Variants in CCHCR1 observed in about 807,000 individuals in gnomAD.
CCHCR1 encodes coiled-coil alpha-helical rod protein 1.
Under a neutral mutation model 114.6 loss-of-function variants are expected in CCHCR1, and 91 were observed. The observed-to-expected ratio is 0.79, with a 90% CI of 0.67 to 0.94. CCHCR1 has a LOEUF of 0.94. CCHCR1 is among the 40% of genes least tolerant of loss of function. The pLI is 0.00. For synonymous variants in CCHCR1, 379 were observed against 428.5 expected, an observed-to-expected ratio of 0.88 and a Z score of 1.43; for missense variants, 899 against 1,079.9, an observed-to-expected ratio of 0.83 and a Z score of 2.35.
In CCHCR1 at chr6:31,154,923, G is replaced by T; in HGVS notation, c.498-124C>A. 3 of 854,026 alleles carry T rather than the reference G, an allele frequency of 3.5e-6. No homozygotes were observed. Among genetic ancestry groups the T allele is most frequent in the Non-Finnish European group, 5.3e-6 (3 of 569,524 alleles). 52.9% of individuals were successfully genotyped at this position (854,026 alleles called of 1,614,324 possible). ...GCTTCCGTGTGGGGAGGTGAAGGGG[G>T]TGCTGAAGCTGGGGTATGGGGATGT... On this transcript the variant is annotated intron_variant, in intron 3 of 17. Transcript: ENST00000396268. This position sits in a 1 kb window ranked among gnomAD's most constrained non-coding sequence, Gnocchi z 4.1.
rs1338585667 is a variant in CCHCR1, at chr6:31,143,750, T to C, written c.2168-337A>G. 6.6e-6 allele frequency among the ~76,000 whole-genome samples: 1 copy of C among 152,196 alleles called. No homozygotes were observed. The highest frequency in any genetic ancestry group is 2.4e-5 in the African/African-American group (1 of 41,438). ...AGGAGAATTTACTGGCTTTGGGAGA[T>C]GCGGCTGAACAACTTATGTTTACAA... On this transcript the variant is annotated intron_variant, in intron 15 of 17. Coordinates refer to ENST00000396268, the MANE Select transcript of CCHCR1 (RefSeq NM_001105564.2). This position sits in a 1 kb window ranked among gnomAD's most constrained non-coding sequence, Gnocchi z 5.3.
In CCHCR1 at chr6:31,150,810, C is replaced by A. The variant is rs1775111552; in HGVS notation, c.1016G>T (p.Arg339Ile). ...AGGCACTTGTTCCCCAACATATTTT[C>A]TTAGATTCTCAACCAGGGTCACCTG... ...EAQVTLVENL[R>I]KYVGEQVPSE... Residue 339 changes from arginine (R) to isoleucine (I), a missense_variant, in exon 6 of 18, where the codon AGA becomes ATA. Coordinates refer to ENST00000396268, the MANE Select transcript of CCHCR1 (RefSeq NM_001105564.2). This position sits in a 1 kb window ranked among gnomAD's most constrained non-coding sequence, Gnocchi z 5.3. The A allele has an allele frequency of 6.2e-7, 1 of 1,612,980 alleles. No homozygotes were observed. Among genetic ancestry groups the A allele is most frequent in the Non-Finnish European group, 8.5e-7 (1 of 1,180,030 alleles).
At chr6:31,155,172 C>T (rs536202730) in intron 3 of CCHCR1, among the ~76,000 whole-genome samples, 2 of 152,126 alleles carry the variant, frequency 1.3e-5, no homozygotes, top group East Asian at 3.9e-4. Context: ...TTTTAGGCCA[C>T]ACATTTTAAG....
chr6:31,156,602 G>A, intron 3 of CCHCR1, 129 bp downstream of exon 3: 2 of 713,192 alleles, frequency 2.8e-6, no homozygotes, highest in South Asian at 3.5e-5. Flanking sequence ...ATGCACTGTA[G>A]GAACTAATTG....
At position 31,150,243 on chromosome 6, in the gene CCHCR1, G is replaced by A. The variant is rs1280323807; in HGVS notation, c.1213-28C>T. 6 of 1,611,570 alleles carry A rather than the reference G, an allele frequency of 3.7e-6. No individual in the cohort carries two copies. Among genetic ancestry groups the A allele is most frequent in the Non-Finnish European group, 4.2e-6 (5 of 1,178,442 alleles). ...GAGGGAGAAGGAGTGGGAGAAAAGT[G>A]TGGGCTCCTGGGGGAGGAGAGGAAG... On this transcript the variant is annotated intron_variant, in intron 7 of 17. Transcript: ENST00000396268. The surrounding 1 kb of genome is among the most constrained non-coding windows in gnomAD (Gnocchi z 5.3).
chr6:31,143,308 A>G lies in CCHCR1; in HGVS notation c.2273T>C (p.Leu758Pro), dbSNP rs1561789704. 1 of 1,612,884 alleles carries G rather than the reference A, an allele frequency of 6.2e-7. No homozygotes were observed. Among genetic ancestry groups the G allele is most frequent in the Non-Finnish European group, 8.5e-7 (1 of 1,180,022 alleles). Residue 758 changes from leucine (L) to proline (P), a missense_variant, in exon 16 of 18, where the codon CTG becomes CCG. By Grantham distance (98) the Leu-to-Pro change is moderately conservative. Coordinates refer to ENST00000396268, the MANE Select transcript of CCHCR1 (RefSeq NM_001105564.2). This position sits in a 1 kb window ranked among gnomAD's most constrained non-coding sequence, Gnocchi z 5.3. ...CTCTAGCTCCTGCAAGCGCCGGGCCAGTCGCTGCCCCTCCTCCTTCCGGGC... is the reference window on the plus strand; with the variant it reads ...CTCTAGCTCCTGCAAGCGCCGGGCCGGTCGCTGCCCCTCCTCCTTCCGGGC... The part of the protein sequence containing the change: ...EEARKEEGQR[L>P]ARRLQELERD...
In CCHCR1 at chr6:31,145,076, A is replaced by G. The variant is rs1328089829; in HGVS notation, c.1877-3T>C. On this transcript the variant is annotated splice_polypyrimidine_tract_variant and splice_region_variant and intron_variant, in intron 13 of 17. Transcript: ENST00000396268. Reference sequence around the variant, plus strand: ...CAGCTGCTGCCGCTCTGCCTCCCCTAAAAGGAGGGGGTGCTGGGTCAGGCC... The same window carrying G: ...CAGCTGCTGCCGCTCTGCCTCCCCTGAAAGGAGGGGGTGCTGGGTCAGGCC... 2 of 1,599,410 alleles carry G rather than the reference A, an allele frequency of 1.3e-6. No individual in the cohort carries two copies. The highest frequency in any genetic ancestry group is 2.2e-5 in the East Asian group (1 of 44,730).
Position 31,148,502 on chromosome 6 carries a change from A to G in CCHCR1, c.1483T>C (p.Leu495=). 2 of 1,612,298 alleles carry G rather than the reference A, an allele frequency of 1.2e-6. No homozygotes were observed. Among genetic ancestry groups the G allele is most frequent in the South Asian group, 1.1e-5 (1 of 91,026 alleles). The change falls in exon 10 of 18, where the codon TTG becomes CTG. Residue 495 remains leucine, a synonymous_variant. Coordinates refer to ENST00000396268, the MANE Select transcript of CCHCR1 (RefSeq NM_001105564.2). ...GCCTCCTGAGCACGGCTCAGCTCCA[A>G]CTGCAGGCCCTGGGGAGGATGCAGC... ...VERMGAKGLQ[L]ELSRAQEARR...
chr6:31,157,346 C>A, intron 1 of CCHCR1, 39 bp downstream of exon 1: 1 of 1,518,216 alleles, frequency 6.6e-7, no homozygotes, highest in East Asian at 2.3e-5. Flanking sequence ...GGCTCTGAGG[C>A]TTTACTCATA....
rs1004318406 is a variant in CCHCR1, at chr6:31,154,888, G to A, written c.498-89C>T. ...AAACATAGCCAGGAGAAGGAAAAGA[G>A]GACCCCTCTGCTTCCGTGTGGGGAG... is the stretch of plus-strand genomic sequence containing the variant. On this transcript the variant is annotated intron_variant, in intron 3 of 17. Coordinates refer to ENST00000396268, the MANE Select transcript of CCHCR1 (RefSeq NM_001105564.2). The surrounding 1 kb of genome is among the most constrained non-coding windows in gnomAD (Gnocchi z 4.1). 23 of 1,252,498 alleles carry A rather than the reference G, an allele frequency of 1.8e-5. No individual in the cohort carries two copies. Among genetic ancestry groups the A allele is most frequent in the Non-Finnish European group, 2.4e-5 (22 of 924,164 alleles). 77.6% of individuals were successfully genotyped at this position (1,252,498 alleles called of 1,614,324 possible).
In CCHCR1 at chr6:31,151,092, C is replaced by T. The variant is rs1356712480; in HGVS notation, c.832G>A (p.Ala278Thr). The T allele has an allele frequency of 6.8e-6, 11 of 1,612,868 alleles. No homozygotes were observed. The highest frequency in any genetic ancestry group is 9.3e-6 in the Non-Finnish European group (11 of 1,180,000). Residue 278 changes from alanine (A) to threonine (T), a missense_variant, in exon 5 of 18, where the codon GCT becomes ACT. Transcript: ENST00000396268. This position sits in a 1 kb window ranked among gnomAD's most constrained non-coding sequence, Gnocchi z 4.1. The part of the protein sequence containing the change: ...LSSLTQAHEE[A>T]LSSLTSKAEG... ...GCCTTGCTGGTCAAACTGGAAAGAG[C>T]CTCCTCGTGAGCCTGTGTCAAAGAG...
chr6:31,150,276 C>A lies in CCHCR1; in HGVS notation c.1213-61G>T. The A allele has an allele frequency of 6.4e-7, 1 of 1,566,900 alleles. No individual in the cohort carries two copies. Among genetic ancestry groups the A allele is most frequent in the South Asian group, 1.1e-5 (1 of 88,732 alleles). ...CTGGGGGAGGAGAGGAAGGAGGTGGCATCTTTGTTTCTCCTCTGTCCTGCC... is the reference window on the plus strand; with the variant it reads ...CTGGGGGAGGAGAGGAAGGAGGTGGAATCTTTGTTTCTCCTCTGTCCTGCC... On this transcript the variant is annotated intron_variant, in intron 7 of 17. Coordinates refer to ENST00000396268, the MANE Select transcript of CCHCR1 (RefSeq NM_001105564.2). The surrounding 1 kb of genome is among the most constrained non-coding windows in gnomAD (Gnocchi z 5.3).
chr6:31,157,842 A>G, upstream of CCHCR1: 2 of 538,470 alleles, frequency 3.7e-6, no homozygotes, highest in Non-Finnish European at 6.4e-6. Flanking sequence ...TTTTACCCGA[A>G]TCTGGGATCC....
At position 31,150,501 on chromosome 6, in the gene CCHCR1, C is replaced by G. The variant is rs779256716; in HGVS notation, c.1166G>C (p.Ser389Thr). 13 of 1,612,606 alleles carry G rather than the reference C, an allele frequency of 8.1e-6. No homozygotes were observed. Among genetic ancestry groups the G allele is most frequent in the Non-Finnish European group, 1.1e-5 (13 of 1,179,964 alleles). ...TAELLQVRVQ[S>T]LTHILALQEE... ...CTGCAGGGCGAGGATGTGTGTGAGG[C>G]TCTGCACCCGCACCTGCAGCAGCTC... Residue 389 changes from serine to threonine, a missense_variant, in exon 7 of 18, where the codon AGC (serine) becomes ACC (threonine). Transcript: ENST00000396268. This position sits in a 1 kb window ranked among gnomAD's most constrained non-coding sequence, Gnocchi z 5.3.
Position 31,144,908 on chromosome 6 carries a change from TG to T in CCHCR1, c.2041del (p.Gln681SerfsTer32). 6.2e-7 allele frequency: 1 copy of T among 1,613,442 alleles called. No homozygotes were observed. On this transcript the variant is annotated frameshift_variant, in exon 14 of 18. Transcript: ENST00000396268. LOFTEE classifies it high-confidence loss of function. This position sits in a 1 kb window ranked among gnomAD's most constrained non-coding sequence, Gnocchi z 4.6. Reference protein sequence around the residue: ...EAASLRQELTQQQELYGQALQ... With the variant: ...EAASLRQELTXQQELYGQALQ... Reference sequence around the variant, plus strand: ...ACCTTGCCCGTAGAGTTCCTGCTGCTGGGTCAGCTCCTGCCGCAGACTGGCA... The same window carrying T: ...ACCTTGCCCGTAGAGTTCCTGCTGCTGGTCAGCTCCTGCCGCAGACTGGCA...
intron 1 of CCHCR1, 127 bp from the exon 2 acceptor site, chr6:31,157,216 T>C: frequency 9.8e-7 from 1 of 1,022,512 alleles, no homozygotes; most frequent in African/African-American, 1.6e-5. Context: ...CTTAGCTCTT[T>C]TCCTACTTCC....
chr6:31,157,073 C>T lies in CCHCR1; in HGVS notation c.233G>A (p.Trp78Ter). The part of the protein sequence containing the change: ...NLRRRGNIDG[W>*]RQNLEPSNNV... Reference sequence around the variant, plus strand: ...ATTTGAAGGCTCTAGATTCTGTCTCCAGCCATCTATGTTCCCCTGGACAAG... The same window carrying T: ...ATTTGAAGGCTCTAGATTCTGTCTCTAGCCATCTATGTTCCCCTGGACAAG... The change falls in exon 2 of 18, where the codon TGG becomes TAG. Residue 78 changes from tryptophan to a stop codon, truncating the protein, a stop_gained. Transcript: ENST00000396268. LOFTEE classifies it high-confidence loss of function. The T allele has an allele frequency of 3.1e-6, 5 of 1,611,262 alleles. No homozygotes were observed. Among genetic ancestry groups the T allele is most frequent in the Non-Finnish European group, 4.2e-6 (5 of 1,178,952 alleles).
Position 31,143,220 on chromosome 6 carries a change from G to A in CCHCR1, c.2319+42C>T, listed in dbSNP as rs1402570223. The A allele has an allele frequency of 6.2e-7, 1 of 1,611,346 alleles. No homozygotes were observed. The highest frequency in any genetic ancestry group is 8.5e-7 in the Non-Finnish European group (1 of 1,179,352). On this transcript the variant is annotated intron_variant, in intron 16 of 17. Transcript: ENST00000396268. This position sits in a 1 kb window ranked among gnomAD's most constrained non-coding sequence, Gnocchi z 5.3. ...ACCTCTAGCCCAGGAACCAGCCCAGGATGGGCCCTAGTGTCTGCCTGTCTG... is the reference window on the plus strand; with the variant it reads ...ACCTCTAGCCCAGGAACCAGCCCAGAATGGGCCCTAGTGTCTGCCTGTCTG...
intron 4 of CCHCR1, among the ~76,000 whole-genome samples, chr6:31,153,870 G>C (rs919715490): frequency 6.6e-6 from 1 of 152,202 alleles, no homozygotes; most frequent in Non-Finnish European, 1.5e-5. Flanking sequence ...GAGCCACTGC[G>C]CCCAGGGCTA....
Sources: allele counts gnomAD v4.1 joint callset (sites outside exome capture counted in the v4.1 genomes callset), GRCh38; gene constraint gnomAD v4.1.1; non-coding constraint Gnocchi (gnomAD v3.1); transcripts MANE v1.5; gene names NCBI Gene and HGNC (gene_info 2026-07-23, HGNC 2026-07-21).